UGT1A10: variants seen among roughly 807,000 people sequenced by gnomAD.
The protein encoded by UGT1A10 is UDP glucuronosyltransferase family 1 member A10, also known as UDP-glucuronosyltransferase 1A10.
Under a neutral mutation model 45.8 loss-of-function variants are expected in UGT1A10, and 49 were observed. The observed-to-expected ratio is 1.07, with a 90% confidence interval of 0.85 to 1.36. UGT1A10 has a LOEUF of 1.36. Ranked by LOEUF, UGT1A10 falls within the 40% of genes most tolerant of loss-of-function variation. The probability of loss-of-function intolerance (pLI) is 0.00; values close to 1 mark genes in which losing one functional copy is unlikely to be tolerated. For synonymous variants in UGT1A10, 284 were observed against 249.7 expected, an observed-to-expected ratio of 1.14 and a Z score of -1.29; for missense variants, 745 against 668.6, an observed-to-expected ratio of 1.11 and a Z score of -1.26.
chr2:233,638,967 A>G (rs964338744), intron 1 of UGT1A10, among the ~76,000 whole-genome samples: 4 of 152,146 alleles, frequency 2.6e-5, no homozygotes, highest in African/African-American at 9.7e-5. Flanking sequence ...TCCTCCATTA[A>G]TTACAGTACC....
chr2:233,648,096 C>A (rs12995772), intron 1 of UGT1A10: 91,034 of 1,495,058 alleles, frequency 0.061, 3,181 homozygotes, highest in Middle Eastern at 0.098. Flanking sequence ...AGGATCTGGA[C>A]CAGGAGTTCA....
At chr2:233,704,539 G>A (rs1188358198) in intron 1 of UGT1A10, among the ~76,000 whole-genome samples, 3 of 151,844 alleles carry the variant, frequency 2.0e-5, no homozygotes, top group Non-Finnish European at 4.4e-5. Context: ...ACAATACATG[G>A]TGATAATATT....
At chr2:233,758,385 T>C (rs1230615266) in intron 1 of UGT1A10, among the ~76,000 whole-genome samples, 2 of 152,262 alleles carry the variant, frequency 1.3e-5, no homozygotes, top group Admixed American at 6.5e-5. Flanking sequence ...TGGTGACTTA[T>C]GTGTTTATAG....
intron 1 of UGT1A10, among the ~76,000 whole-genome samples, chr2:233,731,210 T>A (rs2078122398): frequency 6.6e-6 from 1 of 152,162 alleles, no homozygotes; most frequent in Non-Finnish European, 1.5e-5. Context: ...AATACGTGTT[T>A]ATTTAGATTT....
In UGT1A10 at chr2:233,713,110, A is replaced by C. The variant is rs151218104; in HGVS notation, c.856-53924A>C. On this transcript the variant is annotated intron_variant, in intron 1 of 4. Transcript: ENST00000344644. ...CTGGTGGTGCCCACTGATGGCAGCC[A>C]CTGGCTCAGCATGCGGGAGGCCTTG... 3.3e-5 allele frequency: 53 copies of C among 1,614,090 alleles called. No individual in the cohort carries two copies. In the African/African-American group the frequency reaches 3.6e-4, roughly 11 times the overall value.
chr2:233,661,661 T>TTCTTTCTTTCTC (rs2125489285), intron 1 of UGT1A10, among the ~76,000 whole-genome samples: 1 of 148,336 alleles, frequency 6.7e-6, no homozygotes. Context: ...CTTTCTTTCT[T>TTCTTTCTTTCTC]TCTTTCTTTC....
chr2:233,748,112 C>G (rs879064318), intron 1 of UGT1A10: 2 of 1,611,964 alleles, frequency 1.2e-6, no homozygotes, highest in South Asian at 2.2e-5. Context: ...AATCAATGTT[C>G]CAGGCAAAAC....
chr2:233,713,382 C>G lies in UGT1A10; in HGVS notation c.856-53652C>G, dbSNP rs201021989. 48 of 1,614,012 alleles carry G rather than the reference C, an allele frequency of 3.0e-5. No homozygotes were observed. The highest frequency in any genetic ancestry group is 4.0e-5 in the Non-Finnish European group (47 of 1,180,030). ...GATCATACATAGGTCTTGTGTGGAG[C>G]TACTGCATAATGAGGCCCTGATCAG... On this transcript the variant is annotated intron_variant, in intron 1 of 4. Coordinates refer to ENST00000344644, the MANE Select transcript of UGT1A10 (RefSeq NM_019075.4).
In UGT1A10 at chr2:233,672,217, C is replaced by T. The variant is rs749656170; in HGVS notation, c.855+34840C>T. ...GGACCGGGAGTTCAAGGCTTTTGCCCATGCTCAATGGAAAGCACAAGTACG... is the reference window on the plus strand; with the variant it reads ...GGACCGGGAGTTCAAGGCTTTTGCCTATGCTCAATGGAAAGCACAAGTACG... On this transcript the variant is annotated intron_variant, in intron 1 of 4. Transcript: ENST00000344644. 1.5e-5 allele frequency: 24 copies of T among 1,614,010 alleles called. 1 individual carries two copies. The highest frequency in any genetic ancestry group is 1.6e-4 in the Middle Eastern group (1 of 6,084).
chr2:233,742,047 G>C (rs371861111), intron 1 of UGT1A10: 6 of 152,052 alleles, frequency 3.9e-5, no homozygotes, highest in South Asian at 4.1e-4. Context: ...CATAGCAATA[G>C]GATAGTTCTG....
At chr2:233,684,037 C>G (rs45511895) in intron 1 of UGT1A10, among the ~76,000 whole-genome samples, 49 of 152,226 alleles carry the variant, frequency 3.2e-4, no homozygotes, top group African/African-American at 1.1e-3. Flanking sequence ...GTTGCTAAAT[C>G]CAGGTGAAAC....
At chr2:233,686,425 G>C (rs776332125) in intron 1 of UGT1A10, among the ~76,000 whole-genome samples, 1 of 152,056 alleles carries the variant, frequency 6.6e-6, no homozygotes, top group African/African-American at 2.4e-5. Flanking sequence ...ATAAACACAC[G>C]CATGCTTGAC....
At chr2:233,725,400 G>T (rs1284897270) in intron 1 of UGT1A10, among the ~76,000 whole-genome samples, 3 of 151,354 alleles carry the variant, frequency 2.0e-5, no homozygotes, top group Non-Finnish European at 2.9e-5. Context: ...TACCTTGATG[G>T]TCTAATACAG....
intron 1 of UGT1A10, chr2:233,691,761 TC>T (rs752208388): frequency 5.9e-5 from 26 of 440,350 alleles, no homozygotes; most frequent in Non-Finnish European, 7.8e-5. Flanking sequence ...TGACTCCTGC[TC>T]TAGGATTCTC....
At chr2:233,713,759 G>C (rs752103750) in intron 1 of UGT1A10, 10 of 1,613,990 alleles carry the variant, frequency 6.2e-6, no homozygotes, top group Non-Finnish European at 3.4e-6. Context: ...CTGTGTGGCT[G>C]TTCCGAGGGG....
chr2:233,685,188 TA>T (rs1428567524), intron 1 of UGT1A10, among the ~76,000 whole-genome samples: 7 of 152,116 alleles, frequency 4.6e-5, no homozygotes, highest in Admixed American at 4.6e-4. Context: ...AGGAGAACAT[TA>T]AAACGGTTTT....
intron 1 of UGT1A10, among the ~76,000 whole-genome samples, chr2:233,653,097 A>C (rs942310473): frequency 1.3e-5 from 2 of 152,244 alleles, no homozygotes; most frequent in African/African-American, 4.8e-5. Flanking sequence ...AGGCAACCAC[A>C]GTCCCAAAAG....
intron 1 of UGT1A10, chr2:233,748,159 A>T: frequency 6.3e-7 from 1 of 1,599,046 alleles, no homozygotes; most frequent in Non-Finnish European, 8.5e-7. Flanking sequence ...AATTGCTTCC[A>T]TATCTACTTA....
intron 1 of UGT1A10, chr2:233,719,658 A>C: frequency 1.2e-6 from 2 of 1,614,068 alleles, no homozygotes; most frequent in Non-Finnish European, 1.7e-6. Context: ...TGGGGGCATC[A>C]ACTGTGCCAA....
Sources: gnomAD v4.1 joint callset for allele counts (sites outside exome capture counted in the v4.1 genomes callset) on GRCh38, gnomAD v4.1.1 for gene constraint, MANE v1.5 for transcripts, NCBI Gene and HGNC (gene_info 2026-07-23, HGNC 2026-07-21) for gene names.